CCDC171: variants seen among roughly 807,000 people sequenced by gnomAD.
CCDC171 encodes the protein coiled-coil domain-containing protein 171.
A neutral mutation model predicts 168.2 loss-of-function variants in CCDC171; 177 were observed. That is an observed-to-expected ratio of 1.05 (90% CI 0.93 to 1.19). CCDC171 has a LOEUF of 1.19. Among genes scored for constraint, CCDC171 ranks in the 50% most tolerant of loss-of-function variants. The pLI is 0.00. For missense variants in CCDC171, 1,991 were observed against 1,539.0 expected (o/e 1.29, Z -4.91); for synonymous variants, 687 against 540.8 (o/e 1.27, Z -3.75).
intron 11 of CCDC171, among the ~76,000 whole-genome samples, chr9:15,705,140 CTAAG>C (rs2052116795): frequency 7.5e-6 from 1 of 132,470 alleles, no homozygotes; most frequent in African/African-American, 2.5e-5. Context: ...ACTCAGATAA[CTAAG>C]TGTGGTGATG....
chr9:15,854,896 C>G (rs1447538076), intron 23 of CCDC171, among the ~76,000 whole-genome samples: 1 of 151,602 alleles, frequency 6.6e-6, no homozygotes, highest in Non-Finnish European at 1.5e-5. Flanking sequence ...ATTTTCCACA[C>G]TTTATTTTTG....
chr9:15,676,679 C>T (rs80003067), intron 9 of CCDC171, among the ~76,000 whole-genome samples: 2,417 of 152,086 alleles, frequency 0.016, 68 homozygotes, highest in African/African-American at 0.054. Flanking sequence ...TGATTTTCTC[C>T]ATTGGAAAGT....
chr9:15,702,422 A>C (rs1482082894), intron 11 of CCDC171, among the ~76,000 whole-genome samples: 1 of 151,362 alleles, frequency 6.6e-6, no homozygotes, highest in Non-Finnish European at 1.5e-5. Context: ...TTCTATATCT[A>C]CTCTCCCTCT....
At chr9:15,801,387 A>G (rs1458690276) in intron 21 of CCDC171, among the ~76,000 whole-genome samples, 1 of 151,782 alleles carries the variant, frequency 6.6e-6, no homozygotes, top group African/African-American at 2.4e-5. Flanking sequence ...GGTAAATGGG[A>G]TTACTTTTTT....
chr9:15,964,854 G>C (rs1396841878), intron 25 of CCDC171, among the ~76,000 whole-genome samples: 1 of 152,152 alleles, frequency 6.6e-6, no homozygotes, highest in East Asian at 1.9e-4. Flanking sequence ...TCTGCCTCCT[G>C]GGTTCGAGCG....
At chr9:15,914,707 C>T (rs115433273) in intron 24 of CCDC171, among the ~76,000 whole-genome samples, 2,758 of 152,128 alleles carry the variant, frequency 0.018, 102 homozygotes, top group African/African-American at 0.064. Context: ...AAAAAAAACT[C>T]CTGCAGATAG....
chr9:15,846,937 A>G (rs1219975172), intron 22 of CCDC171, 90 bp downstream of exon 22: 4 of 1,148,196 alleles, frequency 3.5e-6, no homozygotes, highest in African/African-American at 3.1e-5. Context: ...TGGATAATAC[A>G]GTGTTAGAAA....
intron 11 of CCDC171, among the ~76,000 whole-genome samples, chr9:15,716,957 T>A (rs2053128771): frequency 6.6e-6 from 1 of 152,144 alleles, no homozygotes. Context: ...CCTCCAGTGA[T>A]CATCACCCCC....
chr9:15,917,764 T>C (rs1221431292), intron 24 of CCDC171, among the ~76,000 whole-genome samples: 1 of 151,722 alleles, frequency 6.6e-6, no homozygotes, highest in East Asian at 1.9e-4. Context: ...ATATTAAAGG[T>C]CAATTCTCTT....
intron 11 of CCDC171, among the ~76,000 whole-genome samples, chr9:15,704,061 G>C (rs2052014831): frequency 6.6e-6 from 1 of 152,180 alleles, no homozygotes; most frequent in Non-Finnish European, 1.5e-5. Context: ...CTTGCTCAAG[G>C]TAGGTTGCCA....
At chr9:15,695,461 A>G in intron 11 of CCDC171, 124 bp downstream of exon 11, 2 of 756,016 alleles carry the variant, frequency 2.6e-6, no homozygotes, top group Non-Finnish European at 4.7e-6. Context: ...ATGACATGAT[A>G]AGAGCAGTTC....
chr9:15,923,445 C>G (rs1299028007), intron 25 of CCDC171, among the ~76,000 whole-genome samples: 1 of 151,174 alleles, frequency 6.6e-6, no homozygotes, highest in Non-Finnish European at 1.5e-5. Context: ...AGAATCTAAA[C>G]AAGTAACCTC....
At chr9:15,820,883 A>C in intron 21 of CCDC171, among the ~76,000 whole-genome samples, 1 of 116,952 alleles carries the variant, frequency 8.6e-6, no homozygotes, top group Non-Finnish European at 1.9e-5. Context: ...GACACAACAA[A>C]AAAAGAGAAT....
chr9:16,088,373 C>T, the CCDC171 span, among the ~76,000 whole-genome samples: 1 of 152,104 alleles, frequency 6.6e-6, no homozygotes, highest in African/African-American at 2.4e-5. Flanking sequence ...CTGGCCAGGG[C>T]AATCAGGCAA....
At chr9:15,648,000 A>G (rs2047187829) in intron 7 of CCDC171, among the ~76,000 whole-genome samples, 1 of 152,230 alleles carries the variant, frequency 6.6e-6, no homozygotes, top group Non-Finnish European at 1.5e-5. Context: ...AATCCTCAAT[A>G]AAATACTGGC....
At chr9:15,706,742 T>C (rs563374983) in intron 11 of CCDC171, among the ~76,000 whole-genome samples, 1 of 152,300 alleles carries the variant, frequency 6.6e-6, no homozygotes, top group South Asian at 2.1e-4. Flanking sequence ...GGTGGTTGAC[T>C]TTCATGTTCA....
chr9:16,026,156 C>T (rs990491790), intron 6 of CCDC171, among the ~76,000 whole-genome samples: 1 of 152,140 alleles, frequency 6.6e-6, no homozygotes, highest in African/African-American at 2.4e-5. Flanking sequence ...TAACCCATCT[C>T]ACCCCTCACA....
chr9:15,960,053 G>A (rs1830195487), intron 25 of CCDC171, among the ~76,000 whole-genome samples: 1 of 152,144 alleles, frequency 6.6e-6, no homozygotes, highest in Non-Finnish European at 1.5e-5. Flanking sequence ...AATCCACAGG[G>A]GTGTTTGAGG....
rs187053427 is a variant in CCDC171 at position 15,989,580 on chromosome 9, T to C, written n.369-31009T>C. Among the ~76,000 whole-genome samples the C allele has an allele frequency of 4.6e-3, 697 of 152,196 alleles. 4 individuals are homozygous for C. The highest frequency in any genetic ancestry group is 7.6e-3 in the Non-Finnish European group (519 of 68,024). On this transcript the variant is annotated intron_variant and non_coding_transcript_variant, in intron 3 of 9. Coordinates refer to the CCDC171 transcript ENST00000486641. ...CAACAGAACAAAACTGGATGGAGAA[T>C]GACTTTGACGAGTTGAGAGAAGAAG...
Sources: allele counts gnomAD v4.1 joint callset (sites outside exome capture counted in the v4.1 genomes callset), GRCh38; gene constraint gnomAD v4.1.1; transcripts MANE v1.5; gene names NCBI Gene and HGNC (gene_info 2026-07-23, HGNC 2026-07-21).